The following ACSBG1 variants were observed in gnomAD, a reference collection of about 807,000 sequenced individuals.
ACSBG1 encodes the protein acyl-CoA synthetase bubblegum family member 1.
In ACSBG1, 39 loss-of-function variants were observed where a neutral mutation model predicts 80.2. The observed-to-expected ratio is 0.49, with a 90% CI of 0.38 to 0.64. The LOEUF (loss-of-function observed/expected upper bound fraction) is 0.64, where lower values mean the gene tolerates loss of function less well. Among genes scored for constraint, ACSBG1 ranks in the 30% least tolerant of loss-of-function variants. The pLI, the probability that ACSBG1 is intolerant of heterozygous loss-of-function variation, is 0.00. For missense variants in ACSBG1, 828 were observed against 966.4 expected (o/e 0.86, Z 1.90); for synonymous variants, 392 against 379.5 (o/e 1.03, Z -0.38).
At chr15:78,227,743 C>CA (rs1219406050) in intron 1 of ACSBG1, among the ~76,000 whole-genome samples, 4 of 152,136 alleles carry the variant, frequency 2.6e-5, no homozygotes, top group Non-Finnish European at 5.9e-5. Context: ...AAATGCCCAT[C>CA]AATAGATTAA....
intron 2 of ACSBG1, among the ~76,000 whole-genome samples, chr15:78,197,431 G>A (rs2075124202): frequency 6.6e-6 from 1 of 152,018 alleles, no homozygotes; most frequent in Admixed American, 6.5e-5. Context: ...AAGAAAAACA[G>A]AGAGAGGGCC....
At position 78,179,815 on chromosome 15, in the gene ACSBG1, T is replaced by TCACACACACA. The variant is rs58848105; in HGVS notation, c.1254-45_1254-36dup. ...GAGGGAGAATGGTTCACAGAAGAAA[T>TCACACACACA]CACACACACACACACACACACACAC... On this transcript the variant is annotated intron_variant, in intron 9 of 13. Transcript: ENST00000258873. 430 of 932,970 alleles carry TCACACACACA rather than the reference T, an allele frequency of 4.6e-4. 1 individual carries two copies. The highest frequency in any genetic ancestry group is 9.9e-4 in the Middle Eastern group (3 of 3,024). The allele number at this position is 932,970 out of a possible 1,614,324, so 57.8% of individuals were successfully genotyped here.
At chr15:78,184,680 T>A (rs1490070426) in intron 5 of ACSBG1, among the ~76,000 whole-genome samples, 3 of 152,206 alleles carry the variant, frequency 2.0e-5, no homozygotes, top group Non-Finnish European at 4.4e-5. Context: ...GAACTCCTGA[T>A]TTTTTGCTAA....
intron 2 of ACSBG1, 77 bp downstream of exon 2, chr15:78,207,925 A>ACCCCCCCCCCCCCCCCCCC: frequency 4.4e-6 from 2 of 454,978 alleles, no homozygotes; most frequent in Non-Finnish European, 8.6e-6. Context: ...GGTCCCCCAC[A>ACCCCCCCCCCCCCCCCCCC]CCACCCACCC....
chr15:78,184,702 C>T (rs935581151), intron 5 of ACSBG1, among the ~76,000 whole-genome samples: 5 of 152,022 alleles, frequency 3.3e-5, no homozygotes, highest in Admixed American at 6.6e-5. Context: ...ATATATATTC[C>T]TGAGACTTCT....
chr15:78,180,323 T>C (rs1272484247), intron 9 of ACSBG1, among the ~76,000 whole-genome samples: 2 of 152,236 alleles, frequency 1.3e-5, no homozygotes, highest in African/African-American at 4.8e-5. Flanking sequence ...TGACCCTCCA[T>C]AGAACTATGT....
chr15:78,182,444 C>T (rs758169978), intron 7 of ACSBG1, 22 bp downstream of exon 7: 33 of 1,611,844 alleles, frequency 2.0e-5, no homozygotes, highest in Non-Finnish European at 2.7e-5. Context: ...ACCCCCCCCA[C>T]CCCACCGGGC....
chr15:78,204,481 T>C, intron 2 of ACSBG1, among the ~76,000 whole-genome samples: 1 of 152,124 alleles, frequency 6.6e-6, no homozygotes. Context: ...CATGGCAGGG[T>C]CCTAGGAGGG....
Position 78,194,412 on chromosome 15 carries a change from G to A in ACSBG1, c.453+94C>T, listed in dbSNP as rs2075091290. On this transcript the variant is annotated intron_variant, in intron 3 of 13. Coordinates refer to ENST00000258873, the MANE Select transcript of ACSBG1 (RefSeq NM_015162.5). Reference sequence around the variant, plus strand: ...TACAGTTATTGTTCCTAAGAGCCTTGCCCAGTGGGCAGTTGGAGAGGAGGC... The same window carrying A: ...TACAGTTATTGTTCCTAAGAGCCTTACCCAGTGGGCAGTTGGAGAGGAGGC... 8.5e-6 allele frequency: 10 copies of A among 1,176,972 alleles called. No individual in the cohort carries two copies. The South Asian group carries it at 1.1e-4, about 13-fold the overall frequency. The allele number at this position is 1,176,972 out of a possible 1,614,324, so 72.9% of individuals were successfully genotyped here.
intron 11 of ACSBG1, among the ~76,000 whole-genome samples, chr15:78,176,784 G>A (rs2074886890): frequency 6.6e-6 from 1 of 151,974 alleles, no homozygotes; most frequent in African/African-American, 2.4e-5. Context: ...TTAGCCAGTT[G>A]TGGTGGCTTG....
chr15:78,220,336 T>C (rs1250555083), intron 1 of ACSBG1, among the ~76,000 whole-genome samples: 1 of 152,190 alleles, frequency 6.6e-6, no homozygotes, highest in Non-Finnish European at 1.5e-5. Flanking sequence ...CTCAAATGTA[T>C]AAAAGATCTA....
chr15:78,222,379 T>C (rs2075365784), intron 1 of ACSBG1, among the ~76,000 whole-genome samples: 1 of 152,212 alleles, frequency 6.6e-6, no homozygotes, highest in Non-Finnish European at 1.5e-5. Flanking sequence ...ATTAAGGTTG[T>C]AAGGCTGGAT....
At chr15:78,211,331 T>C (rs2075265534) in intron 1 of ACSBG1, among the ~76,000 whole-genome samples, 1 of 152,266 alleles carries the variant, frequency 6.6e-6, no homozygotes, top group South Asian at 2.1e-4. Context: ...ATTATGCTCC[T>C]TCTGGAAGGC....
intron 1 of ACSBG1, among the ~76,000 whole-genome samples, chr15:78,215,759 AAAG>A (rs2075305601): frequency 6.7e-6 from 1 of 150,218 alleles, no homozygotes; most frequent in Admixed American, 6.6e-5. Context: ...AGAAAGAAAG[AAAG>A]AAAGAAAGAA....
chr15:78,174,392 G>A lies in ACSBG1; in HGVS notation c.1835C>T (p.Thr612Ile). The change falls in exon 12 of 14, where the codon ACC (threonine) becomes ATC (isoleucine). Residue 612 changes from threonine (T) to isoleucine (I), a missense_variant. Physicochemically the swap from Thr to Ile is moderately conservative, Grantham distance 89. Around this residue, in one of 3 missense-constraint regions of ACSBG1, gnomAD observed 201 missense variants for 227.0 expected, o/e 0.89. Coordinates refer to ENST00000258873, the MANE Select transcript of ACSBG1 (RefSeq NM_015162.5). ...GGAGCCCCCCAGACACACCTTCAAG[G>A]TGAGCAGCATGGACAGGAACTTCCT... ...DQRKFLSMLL[T>I]LKCTLDPDTS... The A allele has an allele frequency of 3.1e-6, 5 of 1,614,160 alleles. No homozygotes were observed. The highest frequency in any genetic ancestry group is 4.2e-6 in the Non-Finnish European group (5 of 1,180,022).
intron 1 of ACSBG1, among the ~76,000 whole-genome samples, chr15:78,210,895 C>A (rs989756724): frequency 4.6e-5 from 7 of 152,190 alleles, no homozygotes; most frequent in African/African-American, 1.7e-4. Flanking sequence ...ATTATAGGCG[C>A]AAGTCACCAT....
Position 78,210,042 on chromosome 15 carries a change from C to A in ACSBG1, c.132-1940G>T, listed in dbSNP as rs530592628. 1.4e-4 allele frequency among the ~76,000 whole-genome samples: 22 copies of A among 152,310 alleles called. 1 individual carries two copies. The South Asian group carries it at 4.6e-3, about 32-fold the overall frequency. ...GAAGCCAAGGGTCAAGCGTACTTAT[C>A]GTGATTAGAACCTTCTGTTTATAGG... On this transcript the variant is annotated intron_variant, in intron 1 of 13. Transcript: ENST00000258873.
chr15:78,180,125 C>T (rs1484376438), intron 9 of ACSBG1, among the ~76,000 whole-genome samples: 1 of 152,182 alleles, frequency 6.6e-6, no homozygotes, highest in Non-Finnish European at 1.5e-5. Context: ...CATGTATACA[C>T]ATGTACAAAC....
chr15:78,209,024 A>G, intron 1 of ACSBG1: 1 of 402,042 alleles, frequency 2.5e-6, no homozygotes. Context: ...GCAGCATGCA[A>G]CCTGTGCAGC....
Sources: allele counts gnomAD v4.1 joint callset (sites outside exome capture counted in the v4.1 genomes callset), GRCh38; gene constraint gnomAD v4.1.1; regional missense constraint gnomAD v4.1.1; transcripts MANE v1.5; gene names NCBI Gene and HGNC (gene_info 2026-07-23, HGNC 2026-07-21).